Variants in PHACTR4 observed in about 807,000 individuals in gnomAD.
PHACTR4 encodes phosphatase and actin regulator 4, also known as protein phosphatase 1, regulatory subunit 124.
A neutral mutation model predicts 72.7 loss-of-function variants in PHACTR4; 51 were observed. The observed-to-expected ratio is 0.70, with a 90% CI of 0.56 to 0.89. The LOEUF (loss-of-function observed/expected upper bound fraction) is 0.89, where lower values mean the gene tolerates loss of function less well. PHACTR4 is among the 40% of genes least tolerant of loss of function. PHACTR4 has a pLI of 0.00. For synonymous variants in PHACTR4, 255 were observed against 302.5 expected (o/e 0.84, Z 1.63); for missense variants, 731 against 861.8 (o/e 0.85, Z 1.90).
intron 1 of PHACTR4, among the ~76,000 whole-genome samples, chr1:28,395,325 GTGA>G (rs1200263465): frequency 2.6e-5 from 4 of 152,166 alleles, no homozygotes; most frequent in African/African-American, 9.7e-5. Context: ...GTCATGATCA[GTGA>G]TGATGATGAA....
intron 2 of PHACTR4, among the ~76,000 whole-genome samples, chr1:28,413,183 T>C (rs939344586): frequency 6.6e-6 from 1 of 152,186 alleles, no homozygotes; most frequent in Non-Finnish European, 1.5e-5. Flanking sequence ...CATTAGGCAA[T>C]CAAGTATGTT....
chr1:28,457,829 T>G (rs1166418768), intron 2 of PHACTR4: 1 of 985,388 alleles, frequency 1.0e-6, no homozygotes, highest in Non-Finnish European at 1.2e-6. Context: ...TCTTCCTCTC[T>G]AGACTTCTCC....
intron 1 of PHACTR4, among the ~76,000 whole-genome samples, chr1:28,396,625 A>G (rs1569816458): frequency 6.6e-6 from 1 of 151,036 alleles, no homozygotes; most frequent in South Asian, 2.1e-4. Context: ...AGAAGAATAG[A>G]TACCTTATTA....
intron 7 of PHACTR4, among the ~76,000 whole-genome samples, chr1:28,474,501 C>T (rs541441018): frequency 8.8e-5 from 13 of 147,764 alleles, no homozygotes; most frequent in Non-Finnish European, 1.6e-4. Context: ...CCAGCCTGGG[C>T]GACAAAGCGA....
intron 1 of PHACTR4, among the ~76,000 whole-genome samples, chr1:28,374,071 A>G (rs1303718065): frequency 6.6e-6 from 1 of 152,214 alleles, no homozygotes; most frequent in Non-Finnish European, 1.5e-5. Flanking sequence ...ACCATAAACA[A>G]TGAGTCTTTC....
chr1:28,450,389 C>G (rs1657854929), intron 2 of PHACTR4, among the ~76,000 whole-genome samples: 1 of 151,428 alleles, frequency 6.6e-6, no homozygotes, highest in African/African-American at 2.4e-5. Context: ...CCAAATGTGA[C>G]TGCATGCCTA....
At chr1:28,387,759 G>C (rs10443283) in intron 1 of PHACTR4, among the ~76,000 whole-genome samples, 58,307 of 151,246 alleles carry the variant, frequency 0.39, 12,930 homozygotes, top group African/African-American at 0.6. Flanking sequence ...ATAGAGTCTT[G>C]TTCTGTCGCC....
At chr1:28,400,287 C>A (rs1402301523) in intron 1 of PHACTR4, among the ~76,000 whole-genome samples, 1 of 151,036 alleles carries the variant, frequency 6.6e-6, no homozygotes, top group East Asian at 2.0e-4. Flanking sequence ...GCAGGAGAAT[C>A]GCTTGAACCT....
intron 2 of PHACTR4, among the ~76,000 whole-genome samples, chr1:28,414,041 C>T (rs543242880): frequency 1.3e-5 from 2 of 152,208 alleles, no homozygotes; most frequent in Admixed American, 6.5e-5. Context: ...AATTCTCTTC[C>T]ATTTTTAATT....
intron 2 of PHACTR4, among the ~76,000 whole-genome samples, chr1:28,451,818 T>C (rs1657997205): frequency 1.3e-5 from 2 of 151,938 alleles, no homozygotes; most frequent in South Asian, 2.1e-4. Flanking sequence ...TTTTTTTTTT[T>C]TGTAGAGGCA....
rs566488504 is a variant in PHACTR4, at chr1:28,408,534, C to T, written c.16+1071C>T. 3.7e-4 allele frequency among the ~76,000 whole-genome samples: 56 copies of T among 151,720 alleles called. 1 individual carries two copies. Among genetic ancestry groups the T allele is most frequent in the African/African-American group, 1.2e-3 (50 of 41,358 alleles). On this transcript the variant is annotated intron_variant, in intron 2 of 13. Coordinates refer to ENST00000373839, the MANE Select transcript of PHACTR4 (RefSeq NM_001048183.3). ...GGATCATGCCACTGCACTCCAGCCT[C>T]GGCAACACAGGGAGACTCTGTCTTA...
At chr1:28,426,207 C>T (rs1002420989) in intron 2 of PHACTR4, among the ~76,000 whole-genome samples, 14 of 140,158 alleles carry the variant, frequency 1.0e-4, no homozygotes, top group African/African-American at 3.5e-4. Context: ...AGCAACAGAG[C>T]GAGAAACCTT....
chr1:28,389,515 G>T (rs1652832592), intron 1 of PHACTR4, among the ~76,000 whole-genome samples: 1 of 135,928 alleles, frequency 7.4e-6, no homozygotes, highest in South Asian at 2.3e-4. Flanking sequence ...GTCTCGCTCT[G>T]TTGCCAGGCT....
At chr1:28,480,028 TA>T in intron 8 of PHACTR4, among the ~76,000 whole-genome samples, 1 of 152,196 alleles carries the variant, frequency 6.6e-6, no homozygotes, top group East Asian at 1.9e-4. Flanking sequence ...CAGAGAAAAA[TA>T]AACATTTTCA....
At chr1:28,393,891 C>T (rs775267981) in intron 1 of PHACTR4, among the ~76,000 whole-genome samples, 1 of 151,598 alleles carries the variant, frequency 6.6e-6, no homozygotes, top group Non-Finnish European at 1.5e-5. Flanking sequence ...TTTCTTCTTC[C>T]CTGTAGAGAC....
chr1:28,378,197 A>AT (rs1438606641), intron 1 of PHACTR4, among the ~76,000 whole-genome samples: 2 of 132,264 alleles, frequency 1.5e-5, no homozygotes, highest in African/African-American at 6.0e-5. Flanking sequence ...ACTCCATCTC[A>AT]TAAAAAAAAA....
chr1:28,487,250 C>G (rs890229708), intron 9 of PHACTR4, among the ~76,000 whole-genome samples: 8 of 151,798 alleles, frequency 5.3e-5, no homozygotes, highest in Non-Finnish European at 1.2e-4. Flanking sequence ...CCTATAGTCC[C>G]AGCTACTCGG....
intron 1 of PHACTR4, among the ~76,000 whole-genome samples, chr1:28,402,752 TCTC>T (rs541836423): frequency 3.7e-4 from 57 of 152,306 alleles, no homozygotes; most frequent in African/African-American, 1.4e-3. Context: ...AAAGTAGGCT[TCTC>T]CTCTGCAAAA....
chr1:28,394,592 T>C (rs1653335411), intron 1 of PHACTR4, among the ~76,000 whole-genome samples: 1 of 144,578 alleles, frequency 6.9e-6, no homozygotes, highest in Non-Finnish European at 1.5e-5. Flanking sequence ...CTCCTGGCCA[T>C]CTTTTCTTTT....
Sources: gnomAD v4.1 joint callset for allele counts (sites outside exome capture counted in the v4.1 genomes callset) on GRCh38, gnomAD v4.1.1 for gene constraint, MANE v1.5 for transcripts, NCBI Gene and HGNC (gene_info 2026-07-23, HGNC 2026-07-21) for gene names.